The following KLHL1 variants were observed in gnomAD, a reference collection of about 807,000 sequenced individuals.
KLHL1 encodes kelch-like protein 1.
KLHL1 carries 47 observed loss-of-function variants against 77.7 expected under a neutral mutation model. That is an observed-to-expected ratio of 0.60 (90% CI 0.48 to 0.77). The LOEUF is 0.77. Among genes scored for constraint, KLHL1 ranks in the 30% least tolerant of loss-of-function variants. KLHL1 has a pLI of 0.00. For missense variants in KLHL1, 925 were observed against 910.8 expected (o/e 1.02, Z -0.20); for synonymous variants, 360 against 325.2 (o/e 1.11, Z -1.15).
Position 69,839,041 on chromosome 13 carries a change from C to T in KLHL1, c.1349G>A (p.Arg450Lys). 1 of 1,611,238 alleles carries T rather than the reference C, an allele frequency of 6.2e-7. No homozygotes were observed. The highest frequency in any genetic ancestry group is 8.5e-7 in the Non-Finnish European group (1 of 1,178,380). Residue 450 changes from arginine (R) to lysine (K), a missense_variant, in exon 6 of 11, where the codon AGA becomes AAA. Arg to Lys is a conservative substitution (Grantham distance 26). Coordinates refer to ENST00000377844, the MANE Select transcript of KLHL1 (RefSeq NM_020866.3). The part of the protein sequence containing the change: ...PERRTLMQSP[R>K]TKPRKSTVGT... ...GACTGTAGATTTTCTGGGTTTAGTT[C>T]TCGGACTTTGCATTAAAGTTCTTCT...
At chr13:69,903,052 G>A (rs557677886) in intron 4 of KLHL1, among the ~76,000 whole-genome samples, 35 of 152,186 alleles carry the variant, frequency 2.3e-4, no homozygotes, top group Non-Finnish European at 4.6e-4. Context: ...GATCTATTAT[G>A]GAGGATCTAT....
chr13:69,893,326 C>T (rs979217788), intron 4 of KLHL1, among the ~76,000 whole-genome samples: 1 of 151,006 alleles, frequency 6.6e-6, no homozygotes, highest in Non-Finnish European at 1.5e-5. Context: ...GCTCCGCTTC[C>T]CGGGTTCACG....
At chr13:69,963,954 A>C (rs1315142683) in intron 2 of KLHL1, among the ~76,000 whole-genome samples, 1 of 152,152 alleles carries the variant, frequency 6.6e-6, no homozygotes, top group South Asian at 2.1e-4. Context: ...AGTTATTTAC[A>C]CATGACATAG....
intron 6 of KLHL1, among the ~76,000 whole-genome samples, chr13:69,811,300 T>G (rs746305760): frequency 2.0e-5 from 3 of 152,062 alleles, no homozygotes; most frequent in Non-Finnish European, 4.4e-5. Flanking sequence ...GTTTTATTGC[T>G]GGGATACAAG....
At chr13:69,758,875 AT>A (rs895020876) in intron 7 of KLHL1, among the ~76,000 whole-genome samples, 4 of 152,198 alleles carry the variant, frequency 2.6e-5, no homozygotes, top group African/African-American at 9.7e-5. Context: ...GAAAATACTC[AT>A]TTTATGATTA....
intron 8 of KLHL1, among the ~76,000 whole-genome samples, chr13:69,732,649 T>C: frequency 7.0e-6 from 1 of 143,252 alleles, no homozygotes; most frequent in South Asian, 2.4e-4. Context: ...TTTTGTTTGT[T>C]TGTTTGCTTT....
At chr13:70,072,725 A>G (rs1310047208) in intron 1 of KLHL1, among the ~76,000 whole-genome samples, 1 of 152,130 alleles carries the variant, frequency 6.6e-6, no homozygotes, top group Non-Finnish European at 1.5e-5. Flanking sequence ...GCAGAAAAGC[A>G]TGTGACAAAA....
chr13:69,745,318 A>G (rs529096800), intron 7 of KLHL1, among the ~76,000 whole-genome samples: 19 of 152,102 alleles, frequency 1.2e-4, no homozygotes, highest in South Asian at 4.1e-4. Context: ...TATTAATTAT[A>G]TCATTTTATC....
intron 1 of KLHL1, among the ~76,000 whole-genome samples, chr13:70,038,357 T>C (rs1691077625): frequency 6.6e-6 from 1 of 152,166 alleles, no homozygotes; most frequent in South Asian, 2.1e-4. Flanking sequence ...AATGCTGTTA[T>C]GAACAATGGT....
intron 7 of KLHL1, among the ~76,000 whole-genome samples, chr13:69,765,304 A>G (rs1190663215): frequency 2.6e-5 from 4 of 152,062 alleles, no homozygotes; most frequent in African/African-American, 4.8e-5. Context: ...ATACATTTAT[A>G]TACTTTATGA....
At chr13:70,013,647 C>A (rs1043402361) in intron 1 of KLHL1, among the ~76,000 whole-genome samples, 2 of 151,898 alleles carry the variant, frequency 1.3e-5, no homozygotes, top group Non-Finnish European at 2.9e-5. Context: ...CTTAGAATTG[C>A]TTAATAAAAA....
At chr13:69,726,892 C>A (rs185547488) in intron 8 of KLHL1, among the ~76,000 whole-genome samples, 1 of 152,152 alleles carries the variant, frequency 6.6e-6, no homozygotes, top group South Asian at 2.1e-4. Context: ...ATCATCATGA[C>A]CAGTACATGT....
intron 4 of KLHL1, among the ~76,000 whole-genome samples, chr13:69,916,513 T>C (rs1319695905): frequency 6.6e-6 from 1 of 151,668 alleles, no homozygotes; most frequent in Admixed American, 6.6e-5. Flanking sequence ...CACCACATGT[T>C]CTCACTCATA....
intron 7 of KLHL1, among the ~76,000 whole-genome samples, chr13:69,789,015 G>C (rs997364341): frequency 1.5e-5 from 2 of 136,382 alleles, no homozygotes. Flanking sequence ...GACTCCACAG[G>C]ACTCTATCTA....
At chr13:70,104,445 T>C (rs908775924) in intron 1 of KLHL1, among the ~76,000 whole-genome samples, 1 of 152,170 alleles carries the variant, frequency 6.6e-6, no homozygotes, top group Non-Finnish European at 1.5e-5. Context: ...GTGAGCAACT[T>C]TCCCCAAATG....
intron 9 of KLHL1, among the ~76,000 whole-genome samples, chr13:69,711,014 A>T (rs552573526): frequency 6.6e-6 from 1 of 152,218 alleles, no homozygotes; most frequent in East Asian, 1.9e-4. Context: ...TGTTAAAGGC[A>T]TACGATAGTC....
chr13:69,852,428 T>C (rs1243824252), intron 5 of KLHL1, among the ~76,000 whole-genome samples: 1 of 151,970 alleles, frequency 6.6e-6, no homozygotes, highest in Admixed American at 6.6e-5. Flanking sequence ...AGTTGATTAA[T>C]TGGAAAAATG....
At chr13:69,755,255 T>A (rs1046920670) in intron 7 of KLHL1, among the ~76,000 whole-genome samples, 4 of 151,796 alleles carry the variant, frequency 2.6e-5, no homozygotes. Flanking sequence ...TCTTGCCACG[T>A]GATACACCAG....
chr13:69,987,851 T>C (rs1168877137), intron 1 of KLHL1, among the ~76,000 whole-genome samples: 1 of 152,048 alleles, frequency 6.6e-6, no homozygotes, highest in South Asian at 2.1e-4. Context: ...TTCAGAATAA[T>C]GGAACTAAAA....
Sources: allele counts gnomAD v4.1 joint callset (sites outside exome capture counted in the v4.1 genomes callset), GRCh38; gene constraint gnomAD v4.1.1; transcripts MANE v1.5; gene names NCBI Gene and HGNC (gene_info 2026-07-23, HGNC 2026-07-21).